N4BP2: variants seen among roughly 807,000 people sequenced by gnomAD.
N4BP2 encodes NEDD4-binding protein 2.
Under a neutral mutation model 152.8 loss-of-function variants are expected in N4BP2, and 91 were observed. That is an observed-to-expected ratio of 0.60 (90% CI 0.50 to 0.71). The LOEUF (loss-of-function observed/expected upper bound fraction) is 0.71, where lower values mean the gene tolerates loss of function less well. Ranked by LOEUF, N4BP2 falls within the 30% of genes least tolerant of loss-of-function variation. N4BP2 has a pLI of 0.00. For synonymous variants in N4BP2, 646 were observed against 705.3 expected, an observed-to-expected ratio of 0.92 and a Z score of 1.33; for missense variants, 1,923 against 2,059.1, an observed-to-expected ratio of 0.93 and a Z score of 1.28.
chr4:40,132,775 A>G (rs970644213), intron 13 of N4BP2, among the ~76,000 whole-genome samples: 8 of 152,096 alleles, frequency 5.3e-5, no homozygotes, highest in African/African-American at 1.9e-4. Flanking sequence ...TAGTTTATTA[A>G]TATATTTCAT....
At chr4:40,115,621 CTT>C (rs764099396) in intron 7 of N4BP2, among the ~76,000 whole-genome samples, 26 of 152,038 alleles carry the variant, frequency 1.7e-4, no homozygotes, top group Non-Finnish European at 1.5e-4. Flanking sequence ...TTCTTTAACT[CTT>C]GGGTTATGTC....
chr4:40,179,369 CAACAAACA>C, the N4BP2 span, among the ~76,000 whole-genome samples: 4 of 152,086 alleles, frequency 2.6e-5, no homozygotes, highest in African/African-American at 9.7e-5. Flanking sequence ...GACTCCATCT[CAACAAACA>C]AACAAACAAA....
intron 4 of N4BP2, 34 bp downstream of exon 4, chr4:40,103,252 A>C: frequency 6.5e-7 from 1 of 1,533,560 alleles, no homozygotes; most frequent in Non-Finnish European, 8.8e-7. Context: ...AAAAAATAGT[A>C]TAATGTCTGA....
At chr4:40,084,053 G>A (rs566965294) in intron 2 of N4BP2, among the ~76,000 whole-genome samples, 144 of 152,154 alleles carry the variant, frequency 9.5e-4, no homozygotes, top group Admixed American at 1.4e-3. Flanking sequence ...TCCCCCTCCT[G>A]GGTTCTCCTG....
intron 13 of N4BP2, among the ~76,000 whole-genome samples, chr4:40,135,082 A>C: frequency 7.3e-6 from 1 of 137,132 alleles, no homozygotes; most frequent in Non-Finnish European, 1.6e-5. Flanking sequence ...ATATCTCCCA[A>C]TGCTATCCCT....
intron 1 of N4BP2, among the ~76,000 whole-genome samples, chr4:40,061,595 C>T (rs1733656998): frequency 1.3e-5 from 2 of 151,530 alleles, no homozygotes; most frequent in Non-Finnish European, 2.9e-5. Flanking sequence ...AAACTCCTAA[C>T]CTCAGGTGAT....
chr4:40,131,954 CTGA>C, intron 13 of N4BP2, 35 bp downstream of exon 13: 1 of 1,219,468 alleles, frequency 8.2e-7, no homozygotes, highest in Non-Finnish European at 1.2e-6. Context: ...AGTTTCTACT[CTGA>C]TGTCACTGAA....
At chr4:40,164,106 A>G in the N4BP2 span, among the ~76,000 whole-genome samples, 3 of 152,160 alleles carry the variant, frequency 2.0e-5, no homozygotes, top group Admixed American at 6.5e-5. Flanking sequence ...GACAAAATTC[A>G]CGATGCTGTA....
rs748451260 is a variant in N4BP2 at position 40,120,881 on chromosome 4, TCTA to T, written c.2772_2774del (p.Thr925del). Reference sequence around the variant, plus strand: ...TGACAAAATGAATGAAATATCCTTATCTACAGCACATGAGGCCTGTTGGGGCAC... The same window carrying T: ...TGACAAAATGAATGAAATATCCTTATCAGCACATGAGGCCTGTTGGGGCAC... On this transcript the variant is annotated inframe_deletion, in exon 9 of 18. Transcript: ENST00000261435. 4 of 1,614,080 alleles carry T rather than the reference TCTA, an allele frequency of 2.5e-6. No individual in the cohort carries two copies. In the Admixed American group the frequency reaches 6.7e-5, roughly 27 times the overall value.
rs893593889 is a variant in N4BP2, at chr4:40,127,056, C to T, written c.4527+726C>T. ...TTACATGCATGAGCCACCATGCCCA[C>T]GAATTTTTGAATTTATTATAGAGAC... On this transcript the variant is annotated intron_variant, in intron 12 of 17. Coordinates refer to ENST00000261435, the MANE Select transcript of N4BP2 (RefSeq NM_018177.6). Among the ~76,000 whole-genome samples the T allele has an allele frequency of 3.3e-5, 5 of 150,764 alleles. No homozygotes were observed. The South Asian group carries it at 6.3e-4, about 19-fold the overall frequency.
chr4:40,176,602 C>T, the N4BP2 span, among the ~76,000 whole-genome samples: 1 of 152,220 alleles, frequency 6.6e-6, no homozygotes, highest in Admixed American at 6.5e-5. Context: ...TCTGTGGCGA[C>T]TGGGAGAAAA....
At chr4:40,115,946 A>C (rs191056653) in intron 7 of N4BP2, among the ~76,000 whole-genome samples, 3 of 152,108 alleles carry the variant, frequency 2.0e-5, no homozygotes, top group Non-Finnish European at 4.4e-5. Flanking sequence ...AATTCTGCCT[A>C]TGTTTGCTTT....
chr4:40,072,242 ATTTTT>A (rs34754962), intron 1 of N4BP2, among the ~76,000 whole-genome samples: 1 of 117,574 alleles, frequency 8.5e-6, no homozygotes. Context: ...TGCCTGGCTA[ATTTTT>A]TTTTTTTTTT....
At chr4:40,126,571 C>T (rs886731717) in intron 12 of N4BP2, among the ~76,000 whole-genome samples, 2 of 152,082 alleles carry the variant, frequency 1.3e-5, no homozygotes, top group African/African-American at 2.4e-5. Context: ...TTAGATTTAA[C>T]TGTATAGGTG....
chr4:40,144,823 T>G (rs1163079210), intron 16 of N4BP2, 23 bp downstream of exon 16: 2 of 1,575,858 alleles, frequency 1.3e-6, no homozygotes, highest in African/African-American at 2.7e-5. Flanking sequence ...TAATCACAAG[T>G]TTTCAATAGA....
At chr4:40,147,643 C>A (rs1410821890) in intron 16 of N4BP2, among the ~76,000 whole-genome samples, 2 of 150,648 alleles carry the variant, frequency 1.3e-5, no homozygotes, top group Non-Finnish European at 3.0e-5. Flanking sequence ...GCTGACCCCC[C>A]ACCTCCCTCC....
At chr4:40,173,701 A>G in the N4BP2 span, among the ~76,000 whole-genome samples, 1 of 152,238 alleles carries the variant, frequency 6.6e-6, no homozygotes, top group African/African-American at 2.4e-5. Context: ...AGTTAGTCAC[A>G]GTCAAAGTCA....
chr4:40,115,598 A>T (rs1031155884), intron 7 of N4BP2, among the ~76,000 whole-genome samples: 2 of 152,196 alleles, frequency 1.3e-5, no homozygotes, highest in African/African-American at 4.8e-5. Context: ...AGTTTGCATT[A>T]TGATTAATTT....
intron 4 of N4BP2, among the ~76,000 whole-genome samples, chr4:40,103,620 A>T (rs1715921767): frequency 6.6e-6 from 1 of 152,194 alleles, no homozygotes; most frequent in South Asian, 2.1e-4. Context: ...GAAATTCAGG[A>T]TTATAGAGTG....
Sources: allele counts gnomAD v4.1 joint callset (sites outside exome capture counted in the v4.1 genomes callset), GRCh38; gene constraint gnomAD v4.1.1; transcripts MANE v1.5; gene names NCBI Gene and HGNC (gene_info 2026-07-23, HGNC 2026-07-21).